Variants in PCCA observed in about 807,000 individuals in gnomAD.
PCCA encodes the protein propionyl-CoA carboxylase subunit alpha, also known as propionyl-CoA carboxylase alpha chain, mitochondrial.
In PCCA, 74 loss-of-function variants were observed where a neutral mutation model predicts 101.3. That is an observed-to-expected ratio of 0.73 (90% confidence interval 0.61 to 0.89). PCCA has a LOEUF of 0.89. Ranked by LOEUF, PCCA falls within the 40% of genes least tolerant of loss-of-function variation. The pLI is 0.00. For missense variants in PCCA, 891 were observed against 907.0 expected, an observed-to-expected ratio of 0.98 and a Z score of 0.23; for synonymous variants, 294 against 313.6, an observed-to-expected ratio of 0.94 and a Z score of 0.66.
chr13:100,193,726 G>A (rs1433262921), intron 6 of PCCA, among the ~76,000 whole-genome samples: 1 of 152,104 alleles, frequency 6.6e-6, no homozygotes, highest in Non-Finnish European at 1.5e-5. Context: ...GGTGAATTTA[G>A]CAGGTTGTAG....
intron 19 of PCCA, among the ~76,000 whole-genome samples, chr13:100,423,261 A>G (rs551466523): frequency 1.3e-5 from 2 of 152,278 alleles, no homozygotes; most frequent in Non-Finnish European, 2.9e-5. Flanking sequence ...GAAGGGTTGC[A>G]TGTACACAGT....
intron 12 of PCCA, among the ~76,000 whole-genome samples, chr13:100,282,308 C>T (rs1255385505): frequency 6.6e-6 from 1 of 152,254 alleles, no homozygotes; most frequent in African/African-American, 2.4e-5. Flanking sequence ...CCCTCGCTCG[C>T]TCTCGGCGCC....
chr13:100,513,340 C>T (rs529630243), intron 21 of PCCA, among the ~76,000 whole-genome samples: 2 of 152,334 alleles, frequency 1.3e-5, no homozygotes, highest in South Asian at 4.1e-4. Context: ...CAATAAGTCA[C>T]TTATCCCCCA....
intron 18 of PCCA, among the ~76,000 whole-genome samples, chr13:100,345,454 A>G (rs996956412): frequency 7.2e-5 from 11 of 152,242 alleles, no homozygotes; most frequent in African/African-American, 1.4e-4. Flanking sequence ...ACTCTCTTCA[A>G]TTCTGTGAAG....
chr13:100,089,282 C>T (rs2046045911), intron 1 of PCCA, 57 bp downstream of exon 1: 2 of 1,371,702 alleles, frequency 1.5e-6, no homozygotes, highest in South Asian at 1.7e-5. Flanking sequence ...AGCCGTGCCG[C>T]CTCTGGGCGG....
At chr13:100,152,839 G>C (rs942677884) in intron 4 of PCCA, among the ~76,000 whole-genome samples, 1 of 152,076 alleles carries the variant, frequency 6.6e-6, no homozygotes, top group South Asian at 2.1e-4. Flanking sequence ...TTATATATGC[G>C]GTATCATTAC....
intron 8 of PCCA, chr13:100,237,254 G>A (rs1257735977): frequency 6.6e-6 from 1 of 152,230 alleles, no homozygotes; most frequent in Non-Finnish European, 1.5e-5. Context: ...ACCCTTGTTT[G>A]TAGTTGGTAC....
intron 19 of PCCA, among the ~76,000 whole-genome samples, chr13:100,393,913 G>T (rs1167195921): frequency 6.6e-6 from 1 of 152,162 alleles, no homozygotes; most frequent in African/African-American, 2.4e-5. Context: ...AAACTAGTTG[G>T]AGGCTGGAAA....
At chr13:100,403,016 T>A (rs970413935) in intron 19 of PCCA, among the ~76,000 whole-genome samples, 9 of 151,468 alleles carry the variant, frequency 5.9e-5, no homozygotes, top group African/African-American at 1.5e-4. Flanking sequence ...TTTTTTTTTT[T>A]AATTAAGCAA....
chr13:100,450,192 G>A (rs911917222), intron 21 of PCCA, among the ~76,000 whole-genome samples: 4 of 152,084 alleles, frequency 2.6e-5, no homozygotes, highest in African/African-American at 9.7e-5. Flanking sequence ...AGACCAGCCT[G>A]ACCAACATGG....
At chr13:100,225,549 G>A (rs142725329) in intron 7 of PCCA, among the ~76,000 whole-genome samples, 5 of 152,222 alleles carry the variant, frequency 3.3e-5, no homozygotes, top group Admixed American at 3.3e-4. Context: ...AACTAAGAAA[G>A]CTAGTGTGAA....
chr13:100,451,051 C>T (rs1379271683), intron 21 of PCCA, among the ~76,000 whole-genome samples: 2 of 152,136 alleles, frequency 1.3e-5, no homozygotes, highest in African/African-American at 4.8e-5. Flanking sequence ...GCTGGAGACC[C>T]AGGGGAGCGT....
chr13:100,326,804 C>G (rs1003196856), intron 16 of PCCA, among the ~76,000 whole-genome samples: 5 of 152,060 alleles, frequency 3.3e-5, no homozygotes, highest in African/African-American at 1.2e-4. Flanking sequence ...TTTTCTTTAG[C>G]TTTATTGCAA....
chr13:100,398,698 A>G lies in PCCA; in HGVS notation c.1747-26935A>G, dbSNP rs150066525. ...GGAGAATAGACTGTTGAGGAAAAGT[A>G]GCAATTTAAGTAATGACACTAGATA... On this transcript the variant is annotated intron_variant, in intron 19 of 23. Coordinates refer to ENST00000376285, the MANE Select transcript of PCCA (RefSeq NM_000282.4). Among the ~76,000 whole-genome samples, 19 of 152,290 alleles carry G rather than the reference A, an allele frequency of 1.2e-4. No individual in the cohort carries two copies. In the East Asian group the frequency reaches 3.7e-3, roughly 29 times the overall value.
At chr13:100,421,715 C>T (rs1029248188) in intron 19 of PCCA, among the ~76,000 whole-genome samples, 7 of 151,956 alleles carry the variant, frequency 4.6e-5, no homozygotes, top group East Asian at 1.9e-4. Flanking sequence ...GATGGAGTCC[C>T]GCTCTGTCGT....
At chr13:100,139,440 C>T (rs1260841307) in intron 4 of PCCA, among the ~76,000 whole-genome samples, 1 of 151,472 alleles carries the variant, frequency 6.6e-6, no homozygotes, top group East Asian at 1.9e-4. Flanking sequence ...TCTCTTGTTT[C>T]AGATTGTATA....
At chr13:100,436,759 T>C (rs2079965889) in intron 20 of PCCA, among the ~76,000 whole-genome samples, 1 of 152,230 alleles carries the variant, frequency 6.6e-6, no homozygotes, top group African/African-American at 2.4e-5. Flanking sequence ...AAATGCTCAA[T>C]AATTGGATGA....
intron 6 of PCCA, among the ~76,000 whole-genome samples, chr13:100,175,171 G>C (rs1008362696): frequency 3.9e-5 from 6 of 152,096 alleles, no homozygotes; most frequent in Non-Finnish European, 8.8e-5. Flanking sequence ...TCTGAGCTTT[G>C]TTCAGTCTTG....
chr13:100,232,100 A>G (rs1013871863), intron 7 of PCCA, among the ~76,000 whole-genome samples: 9 of 152,188 alleles, frequency 5.9e-5, no homozygotes, highest in African/African-American at 1.9e-4. Context: ...TATAGAACCA[A>G]GGCATCTTGG....
Sources: allele counts gnomAD v4.1 joint callset (sites outside exome capture counted in the v4.1 genomes callset), GRCh38; gene constraint gnomAD v4.1.1; transcripts MANE v1.5; gene names NCBI Gene and HGNC (gene_info 2026-07-23, HGNC 2026-07-21).